The following CCDC6 variants were observed in gnomAD, a reference collection of about 807,000 sequenced individuals.
CCDC6 encodes coiled-coil domain-containing protein 6.
Under a neutral mutation model 56.6 loss-of-function variants are expected in CCDC6, and 20 were observed. The observed-to-expected ratio is 0.35, with a 90% CI of 0.25 to 0.51. The LOEUF (loss-of-function observed/expected upper bound fraction) is 0.51, where lower values mean the gene tolerates loss of function less well. CCDC6 is among the 20% of genes least tolerant of loss of function. The pLI, the probability that CCDC6 is intolerant of heterozygous loss-of-function variation, is 0.95. For synonymous variants in CCDC6, 241 were observed against 234.4 expected, an observed-to-expected ratio of 1.03 and a Z score of -0.26; for missense variants, 367 against 601.1, an observed-to-expected ratio of 0.61 and a Z score of 4.07.
At chr10:59,864,331 G>C (rs1174278511) in intron 1 of CCDC6, among the ~76,000 whole-genome samples, 1 of 152,170 alleles carries the variant, frequency 6.6e-6, no homozygotes, top group Non-Finnish European at 1.5e-5. Context: ...CCTAACTCCA[G>C]TAAAGCATAA....
intron 1 of CCDC6, among the ~76,000 whole-genome samples, chr10:59,858,171 G>A (rs1215280286): frequency 6.6e-6 from 1 of 152,182 alleles, no homozygotes; most frequent in Non-Finnish European, 1.5e-5. Flanking sequence ...AAGCCTGCAT[G>A]TGCCTTTATT....
chr10:59,820,119 T>A (rs1296124585), intron 3 of CCDC6, among the ~76,000 whole-genome samples: 1 of 152,244 alleles, frequency 6.6e-6, no homozygotes, highest in East Asian at 1.9e-4. Context: ...GTCTTCTCAG[T>A]AGACAGATCC....
chr10:59,906,277 C>T lies in CCDC6; in HGVS notation c.148G>A (p.Val50Ile), dbSNP rs770386676. The change falls in exon 1 of 9, where the codon GTC (valine) becomes ATC (isoleucine). Residue 50 changes from valine to isoleucine, a missense_variant. This residue lies in a region of CCDC6 where 41 missense variants were observed against 90.8 expected (regional missense o/e 0.45). Transcript: ENST00000263102. ...TCCTCCAGGCGGAACGGCGAGATGA[C>T]AATGCCCCCCGACTTCCCACCGCCG... Reference protein sequence around the residue: ...GGGGGKSGGIVISPFRLEELT... With the variant: ...GGGGGKSGGIIISPFRLEELT... 2 of 1,610,532 alleles carry T rather than the reference C, an allele frequency of 1.2e-6. No homozygotes were observed. Among genetic ancestry groups the T allele is most frequent in the Non-Finnish European group, 1.7e-6 (2 of 1,179,782 alleles).
At chr10:59,887,107 T>A (rs908130622) in intron 1 of CCDC6, among the ~76,000 whole-genome samples, 1 of 152,186 alleles carries the variant, frequency 6.6e-6, no homozygotes. Context: ...TTCTGTGAAT[T>A]TACCAAGAAA....
rs112709450 is a variant in CCDC6 at position 59,828,620 on chromosome 10, T to G, written c.582+3905A>C. On this transcript the variant is annotated intron_variant, in intron 3 of 8. Transcript: ENST00000263102. ...CCAGGGGACCACGTTTGCCACTCATTAGCTGTGTGACTTAAGAAACCCTCC... is the reference window on the plus strand; with the variant it reads ...CCAGGGGACCACGTTTGCCACTCATGAGCTGTGTGACTTAAGAAACCCTCC... Among the ~76,000 whole-genome samples the G allele has an allele frequency of 2.5e-3, 377 of 152,240 alleles. 4 individuals carry two copies. The highest frequency in any genetic ancestry group is 8.8e-3 in the African/African-American group (364 of 41,524).
chr10:59,823,385 A>G (rs1008582878), intron 3 of CCDC6, among the ~76,000 whole-genome samples: 4 of 152,168 alleles, frequency 2.6e-5, no homozygotes, highest in Admixed American at 2.6e-4. Context: ...GGGCCAGCAC[A>G]GAGTTCGTTC....
At chr10:59,844,554 G>A (rs569469357) in intron 2 of CCDC6, among the ~76,000 whole-genome samples, 206 of 150,780 alleles carry the variant, frequency 1.4e-3, no homozygotes, top group Admixed American at 4.2e-3. Context: ...ATCCAAGACC[G>A]GCCTGGCCAA....
At chr10:59,818,500 G>GGGC (rs2070726199) in intron 3 of CCDC6, among the ~76,000 whole-genome samples, 2 of 142,026 alleles carry the variant, frequency 1.4e-5, no homozygotes, top group South Asian at 5.3e-4. Flanking sequence ...GTTGACGGGG[G>GGGC]GGGGGGAAGC....
intron 1 of CCDC6, among the ~76,000 whole-genome samples, chr10:59,863,764 A>T (rs1288993565): frequency 6.6e-6 from 1 of 152,236 alleles, no homozygotes; most frequent in East Asian, 1.9e-4. Flanking sequence ...ATGAAATATA[A>T]AAATGTTAAA....
At chr10:59,813,422 T>C (rs913595222) in intron 4 of CCDC6, among the ~76,000 whole-genome samples, 46 of 152,226 alleles carry the variant, frequency 3.0e-4, no homozygotes, top group Non-Finnish European at 7.3e-5. Flanking sequence ...TTGAAGGATA[T>C]AAAATACTGA....
In CCDC6 at chr10:59,791,598, A is replaced by G. The variant is rs1589030480; in HGVS notation, c.*1319T>C. 9 of 199,894 alleles carry G rather than the reference A, an allele frequency of 4.5e-5. No homozygotes were observed. In the East Asian group the frequency reaches 7.0e-4, roughly 16 times the overall value. 12.4% of individuals were successfully genotyped at this position (199,894 alleles called of 1,614,324 possible). ...CAGATACACATTCTTGTCATAAAAT[A>G]TACATTCTCTAGTAAGTTATTTTCA... On this transcript the variant is annotated 3_prime_UTR_variant, in exon 9 of 9. Transcript: ENST00000263102.
chr10:59,849,505 G>A (rs1279586808), intron 2 of CCDC6, among the ~76,000 whole-genome samples: 4 of 152,160 alleles, frequency 2.6e-5, no homozygotes, highest in Non-Finnish European at 4.4e-5. Flanking sequence ...GAAGGGACAC[G>A]TCTCTTCTAT....
intron 1 of CCDC6, among the ~76,000 whole-genome samples, chr10:59,902,215 T>C (rs1206163974): frequency 1.3e-5 from 2 of 152,070 alleles, no homozygotes; most frequent in African/African-American, 2.4e-5. Flanking sequence ...ATTAAATGGG[T>C]AGTTTGACCA....
chr10:59,858,370 G>T lies in CCDC6; in HGVS notation c.304-5668C>A, dbSNP rs115542277. On this transcript the variant is annotated intron_variant, in intron 1 of 8. Transcript: ENST00000263102. ...TATTTACTCCATTCCAGTATTGCCA[G>T]CAAGTCACTAATATATACAGGGATT... Among the ~76,000 whole-genome samples the T allele has an allele frequency of 3.6e-3, 554 of 152,222 alleles. 5 individuals carry two copies. Among genetic ancestry groups the T allele is most frequent in the African/African-American group, 0.013 (530 of 41,524 alleles).
intron 8 of CCDC6, 121 bp downstream of exon 8, chr10:59,794,352 G>A: frequency 1.1e-6 from 1 of 949,200 alleles, no homozygotes; most frequent in East Asian, 2.5e-5. Flanking sequence ...GTTTCAAGGT[G>A]AACGGATGGA....
intron 2 of CCDC6, among the ~76,000 whole-genome samples, chr10:59,840,204 T>A (rs974216616): frequency 2.0e-5 from 3 of 152,196 alleles, no homozygotes; most frequent in African/African-American, 7.2e-5. Flanking sequence ...TAATATGATA[T>A]ATACCCAGGA....
chr10:59,822,278 T>C (rs1462677908), intron 3 of CCDC6, among the ~76,000 whole-genome samples: 1 of 152,194 alleles, frequency 6.6e-6, no homozygotes, highest in African/African-American at 2.4e-5. Context: ...AACTTATCAG[T>C]TCAATAAATT....
intron 1 of CCDC6, among the ~76,000 whole-genome samples, chr10:59,859,060 A>G (rs1373108942): frequency 6.6e-6 from 1 of 152,200 alleles, no homozygotes; most frequent in Non-Finnish European, 1.5e-5. Context: ...TAAACTAAAT[A>G]ATTCACATAA....
chr10:59,892,490 G>A (rs2071429937), intron 1 of CCDC6, among the ~76,000 whole-genome samples: 1 of 152,166 alleles, frequency 6.6e-6, no homozygotes, highest in African/African-American at 2.4e-5. Context: ...CCAACCTGCG[G>A]TGCACAGGGA....
Sources: allele counts gnomAD v4.1 joint callset (sites outside exome capture counted in the v4.1 genomes callset), GRCh38; gene constraint gnomAD v4.1.1; regional missense constraint gnomAD v4.1.1; transcripts MANE v1.5; gene names NCBI Gene and HGNC (gene_info 2026-07-23, HGNC 2026-07-21).